Variants in TINAG observed in about 807,000 individuals in gnomAD.
The protein encoded by TINAG is tubulointerstitial nephritis antigen.
TINAG carries 83 observed loss-of-function variants against 72.7 expected under a neutral mutation model. The observed-to-expected ratio is 1.14, with a 90% CI of 0.96 to 1.37. The LOEUF is 1.37. Among genes scored for constraint, TINAG ranks in the 40% most tolerant of loss-of-function variants. TINAG has a pLI of 0.00. For synonymous variants in TINAG, 234 were observed against 189.9 expected, an observed-to-expected ratio of 1.23 and a Z score of -1.91; for missense variants, 685 against 576.6, an observed-to-expected ratio of 1.19 and a Z score of -1.93.
chr6:54,310,508 C>T (rs1582688231), intron 1 of TINAG, among the ~76,000 whole-genome samples: 1 of 142,456 alleles, frequency 7.0e-6, no homozygotes, highest in Non-Finnish European at 1.5e-5. Flanking sequence ...CTTTCTTTCT[C>T]TTTCTTTCTT....
intron 9 of TINAG, among the ~76,000 whole-genome samples, chr6:54,379,770 T>C (rs569499033): frequency 6.6e-6 from 1 of 152,108 alleles, no homozygotes; most frequent in East Asian, 1.9e-4. Flanking sequence ...TTTAATCTAA[T>C]TTTTATTTTT....
intron 9 of TINAG, among the ~76,000 whole-genome samples, chr6:54,359,269 A>T (rs1447060329): frequency 6.6e-6 from 1 of 151,866 alleles, no homozygotes; most frequent in Non-Finnish European, 1.5e-5. Context: ...TAAGTTCAAA[A>T]GTCTAATTCC....
In TINAG at chr6:54,343,292, A is replaced by G. The variant is rs1186432955; in HGVS notation, c.691A>G (p.Thr231Ala). Reference protein sequence around the residue: ...FVASYKWPGWTHGPLDQKNCA... With the variant: ...FVASYKWPGWAHGPLDQKNCA... ...TGCTTCTTATAAATGGCCTGGATGGACTCATGGCCCATTGGATCAAAAAAA... is the reference window on the plus strand; with the variant it reads ...TGCTTCTTATAAATGGCCTGGATGGGCTCATGGCCCATTGGATCAAAAAAA... Residue 231 changes from threonine (T) to alanine (A), a missense_variant, in exon 5 of 11, where the codon ACT becomes GCT. Thr to Ala is a moderately conservative substitution (Grantham distance 58, BLOSUM62 0). Coordinates refer to ENST00000259782, the MANE Select transcript of TINAG (RefSeq NM_014464.4). 6.3e-7 allele frequency: 1 copy of G among 1,578,170 alleles called. No individual in the cohort carries two copies. Among genetic ancestry groups the G allele is most frequent in the Non-Finnish European group, 8.6e-7 (1 of 1,160,120 alleles).
intron 6 of TINAG, among the ~76,000 whole-genome samples, chr6:54,348,803 A>G (rs1270027087): frequency 1.3e-5 from 2 of 152,124 alleles, no homozygotes; most frequent in African/African-American, 4.8e-5. Context: ...AATGTAATGC[A>G]TTTAATGCAA....
chr6:54,369,042 A>G (rs1763523730), intron 9 of TINAG, among the ~76,000 whole-genome samples: 1 of 151,870 alleles, frequency 6.6e-6, no homozygotes. Context: ...TAGATATTTG[A>G]CAGTTTTGAA....
chr6:54,374,303 T>C (rs1219363091), intron 9 of TINAG, among the ~76,000 whole-genome samples: 2 of 152,082 alleles, frequency 1.3e-5, no homozygotes, highest in African/African-American at 4.8e-5. Flanking sequence ...CAACCTGTGA[T>C]AAAATTTGTA....
At chr6:54,339,010 T>C (rs1784935495) in intron 4 of TINAG, among the ~76,000 whole-genome samples, 1 of 152,164 alleles carries the variant, frequency 6.6e-6, no homozygotes, top group Non-Finnish European at 1.5e-5. Context: ...GGAACTCATT[T>C]AAGGAAATAT....
intron 8 of TINAG, 59 bp from the exon 9 acceptor site, chr6:54,354,454 T>A: frequency 6.8e-7 from 1 of 1,478,392 alleles, no homozygotes. Flanking sequence ...AATTTTCTGG[T>A]GGTTTTTAAA....
intron 8 of TINAG, among the ~76,000 whole-genome samples, chr6:54,352,641 G>C (rs772472246): frequency 6.6e-6 from 1 of 151,546 alleles, no homozygotes; most frequent in Non-Finnish European, 1.5e-5. Flanking sequence ...TCCCAACTTT[G>C]GCATTTGCTG....
intron 9 of TINAG, among the ~76,000 whole-genome samples, chr6:54,377,710 A>T (rs1050455908): frequency 2.6e-5 from 4 of 152,076 alleles, no homozygotes; most frequent in Non-Finnish European, 5.9e-5. Flanking sequence ...TTATAAGAGA[A>T]CATTTGTGAA....
At chr6:54,350,234 G>A (rs1247110930) in intron 7 of TINAG, among the ~76,000 whole-genome samples, 1 of 151,862 alleles carries the variant, frequency 6.6e-6, no homozygotes, top group African/African-American at 2.4e-5. Context: ...TGTGGTATTA[G>A]CTCATTTTAT....
rs148195010 is a variant in TINAG at position 54,344,915 on chromosome 6, G to A, written c.748+1566G>A. 5.9e-3 allele frequency among the ~76,000 whole-genome samples: 899 copies of A among 152,118 alleles called. 12 individuals carry two copies. The highest frequency in any genetic ancestry group is 0.021 in the African/African-American group (854 of 41,502). On this transcript the variant is annotated intron_variant, in intron 5 of 10. Transcript: ENST00000259782. ...TTATCATAAAGATCTAAAAAATTAC[G>A]TCGAGAAGTATTAGTTACAAAAATA...
chr6:54,389,236 T>C (rs992351161), intron 10 of TINAG, among the ~76,000 whole-genome samples: 6 of 152,178 alleles, frequency 3.9e-5, no homozygotes, highest in African/African-American at 7.2e-5. Flanking sequence ...TCCTTTTACA[T>C]TGGTGAATTG....
intron 9 of TINAG, among the ~76,000 whole-genome samples, chr6:54,372,216 T>C (rs529189772): frequency 1.2e-3 from 176 of 151,956 alleles, no homozygotes; most frequent in Non-Finnish European, 1.7e-3. Flanking sequence ...GATCTCGAAC[T>C]CCTGACCTCA....
At chr6:54,379,681 G>A (rs894669809) in intron 9 of TINAG, among the ~76,000 whole-genome samples, 3 of 151,936 alleles carry the variant, frequency 2.0e-5, no homozygotes, top group African/African-American at 7.3e-5. Flanking sequence ...GAGTTTCAAG[G>A]GGCTAGACAT....
At chr6:54,349,928 T>A in intron 7 of TINAG, 32 bp downstream of exon 7, 1 of 1,484,218 alleles carries the variant, frequency 6.7e-7, no homozygotes, top group Non-Finnish European at 9.1e-7. Context: ...CAAGAATAGT[T>A]GGCTTTCTCA....
chr6:54,310,076 C>T (rs957420209), intron 1 of TINAG, among the ~76,000 whole-genome samples: 17 of 127,724 alleles, frequency 1.3e-4, no homozygotes, highest in African/African-American at 2.5e-4. Flanking sequence ...CTTTTTTTTC[C>T]GTGTGTGTGT....
chr6:54,389,818 T>C lies in TINAG; in HGVS notation c.1324T>C (p.Trp442Arg), dbSNP rs781128421. Reference protein sequence around the residue: ...WIAANSWGKSWGENGYFRILR... With the variant: ...WIAANSWGKSRGENGYFRILR... ...TGCTGCCAATTCCTGGGGAAAGTCA[T>C]GGGGAGAGAATGGCTATTTCAGGAT... Residue 442 changes from tryptophan to arginine, a missense_variant, in exon 11 of 11, where the codon TGG (tryptophan) becomes CGG (arginine). Coordinates refer to ENST00000259782, the MANE Select transcript of TINAG (RefSeq NM_014464.4). The C allele has an allele frequency of 1.1e-5, 17 of 1,604,984 alleles. No homozygotes were observed. In the South Asian group the frequency reaches 1.7e-4, roughly 16 times the overall value.
In TINAG at chr6:54,308,490, C is replaced by A; in HGVS notation, c.-61C>A. 1 of 1,421,970 alleles carries A rather than the reference C, an allele frequency of 7.0e-7. No individual in the cohort carries two copies. Among genetic ancestry groups the A allele is most frequent in the Non-Finnish European group, 9.5e-7 (1 of 1,049,052 alleles). 88.1% of individuals were successfully genotyped at this position (1,421,970 alleles called of 1,614,324 possible). ...CTAGAATTCAGGTTCCAAGGAGAAG[C>A]CCACAAGGCTAAGGGTATTGGATAT... On this transcript the variant is annotated 5_prime_UTR_variant, in exon 1 of 11. Transcript: ENST00000259782.
Sources: allele counts gnomAD v4.1 joint callset (sites outside exome capture counted in the v4.1 genomes callset), GRCh38; gene constraint gnomAD v4.1.1; transcripts MANE v1.5; gene names NCBI Gene and HGNC (gene_info 2026-07-23, HGNC 2026-07-21).